Variants in CSMD2 observed in about 807,000 individuals in gnomAD.
CSMD2 encodes CUB and Sushi multiple domains 2, also known as CUB and sushi domain-containing protein 2.
Under a neutral mutation model 398.5 loss-of-function variants are expected in CSMD2, and 130 were observed. That is an observed-to-expected ratio of 0.33 (90% CI 0.28 to 0.38). The LOEUF is 0.38. CSMD2 is among the 10% of genes least tolerant of loss of function. CSMD2 has a pLI of 1.00. For synonymous variants in CSMD2, 1,828 were observed against 1,908.5 expected (o/e 0.96, Z 1.10); for missense variants, 3,829 against 4,764.9 (o/e 0.80, Z 5.78).
chr1:34,035,456 C>T (rs1403641407), intron 2 of CSMD2, among the ~76,000 whole-genome samples: 3 of 151,902 alleles, frequency 2.0e-5, no homozygotes, highest in Non-Finnish European at 4.4e-5. Context: ...AAAACCTTAA[C>T]AAAATATTGG....
intron 2 of CSMD2, among the ~76,000 whole-genome samples, chr1:34,085,718 TA>T (rs1657802866): frequency 6.6e-6 from 1 of 152,190 alleles, no homozygotes; most frequent in Non-Finnish European, 1.5e-5. Context: ...TACTGCTGCT[TA>T]ACTGCCTATT....
chr1:34,147,749 T>C (rs1639916324), intron 1 of CSMD2, among the ~76,000 whole-genome samples: 1 of 151,836 alleles, frequency 6.6e-6, no homozygotes, highest in Admixed American at 6.6e-5. Context: ...GTTAGAGAAA[T>C]GGGGCACAGG....
chr1:33,592,632 T>C, intron 44 of CSMD2: 2 of 654,590 alleles, frequency 3.1e-6, no homozygotes, highest in East Asian at 2.7e-5. Flanking sequence ...TCTGCAACCT[T>C]CCTAATTGGA....
chr1:33,589,024 T>C (rs1329243460), intron 44 of CSMD2, among the ~76,000 whole-genome samples: 1 of 152,230 alleles, frequency 6.6e-6, no homozygotes, highest in African/African-American at 2.4e-5. Flanking sequence ...AATGGTGTAC[T>C]ATGTTTTGGG....
At chr1:33,904,178 T>A (rs1257475948) in intron 5 of CSMD2, among the ~76,000 whole-genome samples, 2 of 152,176 alleles carry the variant, frequency 1.3e-5, no homozygotes, top group African/African-American at 4.8e-5. Context: ...CTAGGTGCCA[T>A]CTGCAGAATG....
At chr1:33,880,105 G>C (rs1274869425) in intron 5 of CSMD2, among the ~76,000 whole-genome samples, 1 of 152,138 alleles carries the variant, frequency 6.6e-6, no homozygotes, top group South Asian at 2.1e-4. Flanking sequence ...CACTGATTGT[G>C]ACCTCATGGA....
intron 1 of CSMD2, among the ~76,000 whole-genome samples, chr1:34,098,619 T>C (rs191412836): frequency 4.1e-4 from 62 of 151,998 alleles, no homozygotes; most frequent in African/African-American, 1.4e-3. Context: ...TGCATGAATA[T>C]CTTTAATGCA....
intron 4 of CSMD2, among the ~76,000 whole-genome samples, chr1:33,925,626 G>C (rs2125303669): frequency 6.6e-6 from 1 of 152,236 alleles, no homozygotes; most frequent in East Asian, 1.9e-4. Flanking sequence ...TCTGTAGGTT[G>C]CTTTGCAGCC....
chr1:33,866,765 T>C (rs1412013580), intron 5 of CSMD2, among the ~76,000 whole-genome samples: 1 of 152,244 alleles, frequency 6.6e-6, no homozygotes, highest in African/African-American at 2.4e-5. Flanking sequence ...TGTACACTCA[T>C]ACAAGTTCAC....
At chr1:33,951,598 G>C (rs1165067692) in intron 3 of CSMD2, among the ~76,000 whole-genome samples, 1 of 152,004 alleles carries the variant, frequency 6.6e-6, no homozygotes, top group Non-Finnish European at 1.5e-5. Flanking sequence ...TCCACTTCAG[G>C]TTCCCTGCCA....
chr1:33,988,754 G>T (rs970657942), intron 3 of CSMD2, among the ~76,000 whole-genome samples: 1 of 151,876 alleles, frequency 6.6e-6, no homozygotes, highest in Non-Finnish European at 1.5e-5. Context: ...GATGCTGATA[G>T]GGAATCAATC....
intron 37 of CSMD2, among the ~76,000 whole-genome samples, chr1:33,620,682 G>A (rs1194679279): frequency 6.6e-6 from 1 of 152,000 alleles, no homozygotes; most frequent in Non-Finnish European, 1.5e-5. Context: ...ATGTGATTTA[G>A]TCGAGAAACC....
At chr1:33,607,530 G>A (rs1193954267) in intron 41 of CSMD2, among the ~76,000 whole-genome samples, 3 of 152,202 alleles carry the variant, frequency 2.0e-5, no homozygotes, top group South Asian at 2.1e-4. Flanking sequence ...TAAACAGAGA[G>A]TGTGGGCTTA....
At chr1:33,765,975 G>A (rs1228679627) in intron 13 of CSMD2, among the ~76,000 whole-genome samples, 1 of 152,180 alleles carries the variant, frequency 6.6e-6, no homozygotes, top group Non-Finnish European at 1.5e-5. Flanking sequence ...CCAGTGCCCT[G>A]TGATGGCAAT....
At chr1:33,646,144 C>T (rs772808650) in intron 29 of CSMD2, among the ~76,000 whole-genome samples, 10 of 152,270 alleles carry the variant, frequency 6.6e-5, no homozygotes, top group African/African-American at 1.4e-4. Flanking sequence ...CAGTCTATGA[C>T]GAGGTGTCAG....
At chr1:34,155,791 T>A (rs1002388617) in intron 1 of CSMD2, among the ~76,000 whole-genome samples, 7 of 152,272 alleles carry the variant, frequency 4.6e-5, no homozygotes, top group Non-Finnish European at 1.5e-5. Context: ...TTTTTGGTCT[T>A]ATTCTAATAG....
rs1212988337 is a variant in CSMD2 at position 33,792,407 on chromosome 1, G to A, written c.1550+16C>T. ...CACCGTCCCACCTTCCAAACAACAT[G>A]CCCCACTGCACTTACATGTAGAGAA... On this transcript the variant is annotated intron_variant, in intron 11 of 70. Transcript: ENST00000373381. 6 of 1,575,176 alleles carry A rather than the reference G, an allele frequency of 3.8e-6. No homozygotes were observed. Among genetic ancestry groups the A allele is most frequent in the African/African-American group, 1.3e-5 (1 of 74,212 alleles).
chr1:33,541,396 T>C (rs1656324911), intron 58 of CSMD2, 87 bp from the exon 59 acceptor site: 1 of 979,628 alleles, frequency 1.0e-6, no homozygotes, highest in African/African-American at 1.6e-5. Context: ...CCTGCATGCA[T>C]CCAAGAAGGG....
At chr1:33,857,762 G>A (rs1158147) in intron 5 of CSMD2, among the ~76,000 whole-genome samples, 2 of 151,922 alleles carry the variant, frequency 1.3e-5, no homozygotes, top group Non-Finnish European at 2.9e-5. Context: ...GACTAGTTTG[G>A]GGACAATTCT....
Sources: allele counts gnomAD v4.1 joint callset (sites outside exome capture counted in the v4.1 genomes callset), GRCh38; gene constraint gnomAD v4.1.1; transcripts MANE v1.5; gene names NCBI Gene and HGNC (gene_info 2026-07-23, HGNC 2026-07-21).